MAL: variants seen among roughly 807,000 people sequenced by gnomAD.
MAL encodes myelin and lymphocyte protein.
In MAL, 5 loss-of-function variants were observed where a neutral mutation model predicts 16.7. The observed-to-expected ratio is 0.30, with a 90% CI of 0.16 to 0.63. The LOEUF is 0.63. Among genes scored for constraint, MAL ranks in the 30% least tolerant of loss-of-function variants. The pLI, the probability that MAL is intolerant of heterozygous loss-of-function variation, is 0.82. For missense variants in MAL, 202 were observed against 195.8 expected (o/e 1.03, Z -0.19); for synonymous variants, 96 against 85.5 (o/e 1.12, Z -0.67).
intron 1 of MAL, among the ~76,000 whole-genome samples, chr2:95,038,664 C>CTGAG (rs571035837): frequency 1.3e-4 from 12 of 92,420 alleles, no homozygotes; most frequent in Admixed American, 1.2e-3. Context: ...GACTGTGTGA[C>CTGAG]TGAGTGAGTG....
intron 1 of MAL, among the ~76,000 whole-genome samples, chr2:95,034,539 A>G (rs1674160867): frequency 6.6e-6 from 1 of 152,220 alleles, no homozygotes; most frequent in South Asian, 2.1e-4. Flanking sequence ...CATCAGTGTC[A>G]GTGTGTCGGC....
chr2:95,044,886 T>C (rs1674550539), intron 1 of MAL, among the ~76,000 whole-genome samples: 2 of 152,230 alleles, frequency 1.3e-5, no homozygotes, highest in African/African-American at 4.8e-5. Context: ...TTTCCTGCCA[T>C]TGATTCCTCA....
At chr2:95,053,262 G>A in intron 3 of MAL, 119 bp from the exon 4 acceptor site, 1 of 741,230 alleles carries the variant, frequency 1.3e-6, no homozygotes, top group South Asian at 1.5e-5. Context: ...GAGAAGCAAT[G>A]ACAGCCCAAG....
At chr2:95,043,169 T>A (rs1390242087) in intron 1 of MAL, among the ~76,000 whole-genome samples, 3 of 152,202 alleles carry the variant, frequency 2.0e-5, no homozygotes, top group Non-Finnish European at 4.4e-5. Context: ...TTTGGCCTGG[T>A]TAACCAGTTA....
chr2:95,027,906 A>G (rs1673982616), intron 1 of MAL, among the ~76,000 whole-genome samples: 1 of 152,098 alleles, frequency 6.6e-6, no homozygotes, highest in Admixed American at 6.5e-5. Flanking sequence ...CCAATTAGAA[A>G]ATGGACAATG....
chr2:95,028,364 A>T (rs1673998146), intron 1 of MAL, among the ~76,000 whole-genome samples: 1 of 152,072 alleles, frequency 6.6e-6, no homozygotes, highest in Non-Finnish European at 1.5e-5. Flanking sequence ...ATAAATAGAA[A>T]GAAAGAAATC....
chr2:95,033,513 C>T (rs761472082), intron 1 of MAL, among the ~76,000 whole-genome samples: 2 of 151,960 alleles, frequency 1.3e-5, no homozygotes, highest in Non-Finnish European at 2.9e-5. Flanking sequence ...TCCATGTTAA[C>T]GCGCCTGTAA....
intron 1 of MAL, among the ~76,000 whole-genome samples, chr2:95,043,972 G>C (rs2104353514): frequency 6.6e-6 from 1 of 152,272 alleles, no homozygotes; most frequent in South Asian, 2.1e-4. Flanking sequence ...AGCGTCCCTA[G>C]GAACGTGGTT....
chr2:95,048,669 A>G (rs535955568), intron 2 of MAL, among the ~76,000 whole-genome samples: 1 of 152,258 alleles, frequency 6.6e-6, no homozygotes, highest in Non-Finnish European at 1.5e-5. Flanking sequence ...TAACTTTTAC[A>G]TGTAGGACAC....
At chr2:95,034,076 G>T (rs189882245) in intron 1 of MAL, among the ~76,000 whole-genome samples, 1 of 152,210 alleles carries the variant, frequency 6.6e-6, no homozygotes, top group Admixed American at 6.5e-5. Flanking sequence ...GGCAGGGTCC[G>T]CAAGGCCCGC....
rs150666301 is a variant in MAL, at chr2:95,039,348, G to C, written c.94-8611G>C. Among the ~76,000 whole-genome samples the C allele has an allele frequency of 7.3e-4, 109 of 148,708 alleles. 1 individual carries two copies. The highest frequency in any genetic ancestry group is 1.7e-3 in the East Asian group (8 of 4,846). Reference sequence around the variant, plus strand: ...AGTGACTGAGTGAGTGAGTGAGTGAGTGACTGACTGACTGACTGAGTAACT... The same window carrying C: ...AGTGACTGAGTGAGTGAGTGAGTGACTGACTGACTGACTGACTGAGTAACT... On this transcript the variant is annotated intron_variant, in intron 1 of 3. Transcript: ENST00000309988.
At chr2:95,046,932 AAGAG>A (rs747841744) in intron 1 of MAL, among the ~76,000 whole-genome samples, 2 of 150,768 alleles carry the variant, frequency 1.3e-5, no homozygotes, top group African/African-American at 4.9e-5. Context: ...GAAAGAGAGA[AAGAG>A]AAAGAAAGAA....
At chr2:95,039,010 G>A (rs1309266100) in intron 1 of MAL, among the ~76,000 whole-genome samples, 1 of 151,680 alleles carries the variant, frequency 6.6e-6, no homozygotes, top group African/African-American at 2.4e-5. Flanking sequence ...GTGACTGAGT[G>A]GGTGAGTCAG....
intron 1 of MAL, among the ~76,000 whole-genome samples, chr2:95,032,157 T>C (rs1461351157): frequency 3.3e-5 from 5 of 152,272 alleles, no homozygotes; most frequent in African/African-American, 9.6e-5. Context: ...AGCCCCACGA[T>C]GCTGCTGCCA....
At position 95,038,070 on chromosome 2, in the gene MAL, G is replaced by T. The variant is rs578106788; in HGVS notation, c.94-9889G>T. On this transcript the variant is annotated intron_variant, in intron 1 of 3. Transcript: ENST00000309988. ...TGAGTGACTCAGTGAGTGAGTGACTGAGTGATTGAGTGTGTGAGTGACTGA... is the reference window on the plus strand; with the variant it reads ...TGAGTGACTCAGTGAGTGAGTGACTTAGTGATTGAGTGTGTGAGTGACTGA... Among the ~76,000 whole-genome samples, 8 of 151,500 alleles carry T rather than the reference G, an allele frequency of 5.3e-5. No individual in the cohort carries two copies. In the South Asian group the frequency reaches 1.7e-3, roughly 32 times the overall value.
intron 3 of MAL, among the ~76,000 whole-genome samples, chr2:95,050,217 C>T (rs1674687724): frequency 1.3e-5 from 2 of 152,154 alleles, no homozygotes; most frequent in East Asian, 1.9e-4. Flanking sequence ...CCCAAGTGGT[C>T]GTCCATTGAA....
chr2:95,053,335 G>A (rs762657496), intron 3 of MAL, 46 bp from the exon 4 acceptor site: 5 of 1,316,080 alleles, frequency 3.8e-6, no homozygotes, highest in East Asian at 2.3e-5. Context: ...GCTGTGCCTC[G>A]CCCTCCCTAC....
chr2:95,040,849 G>A (rs1674444845), intron 1 of MAL, among the ~76,000 whole-genome samples: 3 of 152,166 alleles, frequency 2.0e-5, no homozygotes, highest in African/African-American at 7.2e-5. Flanking sequence ...TCTGTGGCTG[G>A]TTTCCTTTAC....
chr2:95,035,186 G>C (rs1573289348), intron 1 of MAL, among the ~76,000 whole-genome samples: 1 of 152,298 alleles, frequency 6.6e-6, no homozygotes. Flanking sequence ...GTGTACACCT[G>C]TTTTGTTGGT....
Sources: gnomAD v4.1 joint callset for allele counts (sites outside exome capture counted in the v4.1 genomes callset) on GRCh38, gnomAD v4.1.1 for gene constraint, MANE v1.5 for transcripts, NCBI Gene and HGNC (gene_info 2026-07-23, HGNC 2026-07-21) for gene names.